NR2C2: variants seen among roughly 807,000 people sequenced by gnomAD.
The protein encoded by NR2C2 is Nuclear hormone receptor TR4.
In NR2C2, 6 loss-of-function variants were observed where a neutral mutation model predicts 62.9. That is an observed-to-expected ratio of 0.10 (90% CI 0.05 to 0.19). The LOEUF (loss-of-function observed/expected upper bound fraction) is 0.19. Ranked by LOEUF, NR2C2 falls within the 10% of genes least tolerant of loss-of-function variation. The pLI is 1.00. For missense variants in NR2C2, 479 were observed against 762.7 expected (o/e 0.63, Z 4.38); for synonymous variants, 272 against 273.8 (o/e 0.99, Z 0.07).
rs1323227532 is a variant in NR2C2 at position 15,023,115 on chromosome 3, C to T, written c.557-85C>T. ...CCTAGCACCAGAGTCATCCTCCCTG[C>T]AGTAATGGATTTGGGGTTTTCCCTT... is the stretch of plus-strand genomic sequence containing the variant. On this transcript the variant is annotated intron_variant, in intron 5 of 13. Coordinates refer to ENST00000425241, the MANE Select transcript of NR2C2 (RefSeq NM_001291694.2). The T allele has an allele frequency of 4.9e-6, 7 of 1,441,526 alleles. No individual in the cohort carries two copies. In the East Asian group the frequency reaches 1.4e-4, roughly 28 times the overall value. The allele number at this position is 1,441,526 out of a possible 1,614,324, so 89.3% of individuals were successfully genotyped here. A position where few individuals can be genotyped will look rare whatever the true frequency, so the allele number is the denominator to read the frequency against.
chr3:15,013,806 G>T lies in NR2C2; in HGVS notation c.273+17G>T, dbSNP rs2041423697. On this transcript the variant is annotated intron_variant, in intron 3 of 13. Coordinates refer to ENST00000425241, the MANE Select transcript of NR2C2 (RefSeq NM_001291694.2). ...AGGATCCAGGTAAGGCCTTTGGACA[G>T]GTATTTGTTTCAGCACTTCTGCTAT... The T allele has an allele frequency of 9.3e-6, 15 of 1,613,426 alleles. No homozygotes were observed. Among genetic ancestry groups the T allele is most frequent in the Non-Finnish European group, 1.3e-5 (15 of 1,179,366 alleles).
chr3:15,048,140 CTTTA>C lies in NR2C2; in HGVS notation c.*5134_*5137del, dbSNP rs1489853248. The C allele has an allele frequency of 6.6e-6, 1 of 152,632 alleles. No homozygotes were observed. The highest frequency in any genetic ancestry group is 1.5e-5 in the Non-Finnish European group (1 of 68,046). The allele number at this position is 152,632 out of a possible 1,614,324, so 9.5% of individuals were successfully genotyped here. A position where few individuals can be genotyped will look rare whatever the true frequency, so the allele number is the denominator to read the frequency against. On this transcript the variant is annotated 3_prime_UTR_variant, in exon 14 of 14. Coordinates refer to ENST00000425241, the MANE Select transcript of NR2C2 (RefSeq NM_001291694.2). ...AAGTTATCAAAATGTTTTAAAAACACTTTATGAGACCATAGTACTCAGTGCCTTT... is the reference window on the plus strand; with the variant it reads ...AAGTTATCAAAATGTTTTAAAAACACTGAGACCATAGTACTCAGTGCCTTT...
chr3:14,970,345 C>T (rs2040000739), intron 1 of NR2C2, among the ~76,000 whole-genome samples: 1 of 152,026 alleles, frequency 6.6e-6, no homozygotes, highest in Non-Finnish European at 1.5e-5. Context: ...ATAAAATTTA[C>T]CATTTTAACT....
intron 8 of NR2C2, among the ~76,000 whole-genome samples, chr3:15,029,990 A>G (rs1299353668): frequency 6.6e-6 from 1 of 152,190 alleles, no homozygotes; most frequent in Non-Finnish European, 1.5e-5. Context: ...TAGATAATAC[A>G]TAGCTCAGTG....
chr3:14,949,938 T>G (rs1027168035), intron 1 of NR2C2, among the ~76,000 whole-genome samples: 1 of 152,226 alleles, frequency 6.6e-6, no homozygotes, highest in East Asian at 1.9e-4. Context: ...TCCCCAACTT[T>G]TACTAGCAGT....
intron 1 of NR2C2, among the ~76,000 whole-genome samples, chr3:14,997,860 A>G (rs2040877158): frequency 6.6e-6 from 1 of 152,196 alleles, no homozygotes; most frequent in Non-Finnish European, 1.5e-5. Flanking sequence ...TACATTCACA[A>G]GAGTATGCAA....
At chr3:14,957,987 C>T (rs2039576293) in intron 1 of NR2C2, among the ~76,000 whole-genome samples, 1 of 152,180 alleles carries the variant, frequency 6.6e-6, no homozygotes, top group Admixed American at 6.5e-5. Context: ...GAGCTGTCCT[C>T]TCTGCTTAGA....
At chr3:15,038,915 C>G (rs1360874039) in intron 12 of NR2C2, 2 of 565,318 alleles carry the variant, frequency 3.5e-6, no homozygotes, top group Non-Finnish European at 6.3e-6. Flanking sequence ...CACTCAGGGT[C>G]CCCGACCCGC....
intron 1 of NR2C2, among the ~76,000 whole-genome samples, chr3:15,000,367 A>G (rs1360994002): frequency 1.3e-5 from 2 of 152,186 alleles, no homozygotes; most frequent in Non-Finnish European, 2.9e-5. Context: ...TAAAGGCTGA[A>G]TAGTATTCCA....
At chr3:14,963,660 T>C (rs1488084113) in intron 1 of NR2C2, among the ~76,000 whole-genome samples, 5 of 152,054 alleles carry the variant, frequency 3.3e-5, no homozygotes, top group East Asian at 1.9e-4. Context: ...TTAGTAGAGA[T>C]GGGGTTTCAC....
At chr3:14,990,044 A>C (rs2040625926) in intron 1 of NR2C2, among the ~76,000 whole-genome samples, 1 of 151,920 alleles carries the variant, frequency 6.6e-6, no homozygotes, top group Non-Finnish European at 1.5e-5. Flanking sequence ...TCAAGGCTGC[A>C]GTGAGCCATG....
intron 8 of NR2C2, 86 bp from the exon 9 acceptor site, chr3:15,030,189 G>A (rs1342643387): frequency 2.7e-6 from 3 of 1,118,682 alleles, no homozygotes; most frequent in Non-Finnish European, 3.9e-6. Context: ...TTTTCCCACT[G>A]TAGTTTTTCT....
chr3:15,009,592 A>G (rs1182171766), intron 2 of NR2C2, among the ~76,000 whole-genome samples: 2 of 152,214 alleles, frequency 1.3e-5, no homozygotes, highest in Admixed American at 1.3e-4. Context: ...AACAACACAT[A>G]TCTTCTTAAC....
intron 1 of NR2C2, among the ~76,000 whole-genome samples, chr3:14,968,749 T>G (rs372214060): frequency 7.1e-6 from 1 of 140,054 alleles, no homozygotes; most frequent in Admixed American, 7.1e-5. Context: ...TGTCCAACAA[T>G]GATAGACTGG....
chr3:15,024,084 G>A, intron 6 of NR2C2, 31 bp from the exon 7 acceptor site: 3 of 1,449,610 alleles, frequency 2.1e-6, no homozygotes, highest in Non-Finnish European at 2.9e-6. Flanking sequence ...AATGTTGGAA[G>A]CTACTCTGAG....
chr3:15,028,667 G>A lies in NR2C2; in HGVS notation c.880G>A (p.Gly294Ser), dbSNP rs539096447. ...CAACCTAAGTGAATCTTTGAACAAC[G>A]GTGACACTTCAGAAATCCAGCCAGA... ...LANLSESLNN[G>S]DTSEIQPEDQ... The change falls in exon 8 of 14, where the codon GGT becomes AGT. Residue 294 changes from glycine (G) to serine (S), a missense_variant. Transcript: ENST00000425241. 6.2e-7 allele frequency: 1 copy of A among 1,614,114 alleles called. No individual in the cohort carries two copies. The highest frequency in any genetic ancestry group is 1.1e-5 in the South Asian group (1 of 91,080).
intron 2 of NR2C2, among the ~76,000 whole-genome samples, chr3:15,010,775 C>G (rs1229995746): frequency 6.6e-6 from 1 of 152,040 alleles, no homozygotes; most frequent in Non-Finnish European, 1.5e-5. Context: ...GAGCTGCTGT[C>G]CTTGTCTGGA....
intron 1 of NR2C2, among the ~76,000 whole-genome samples, chr3:14,976,158 G>A (rs1409800859): frequency 6.6e-6 from 1 of 152,112 alleles, no homozygotes; most frequent in Non-Finnish European, 1.5e-5. Context: ...TATCCAGTGT[G>A]TCAGTGTGTA....
Position 14,995,551 on chromosome 3 carries a change from A to C in NR2C2, c.-39-8325A>C, listed in dbSNP as rs575510768. 1.6e-3 allele frequency among the ~76,000 whole-genome samples: 241 copies of C among 152,214 alleles called. 1 individual carries two copies. Among genetic ancestry groups the C allele is most frequent in the African/African-American group, 5.0e-3 (208 of 41,526 alleles). On this transcript the variant is annotated intron_variant, in intron 1 of 13. Transcript: ENST00000425241. ...TGCCAAATAATATGCCATTGTATGGATATACCACATTTTATCTATTCATCA... is the reference window on the plus strand; with the variant it reads ...TGCCAAATAATATGCCATTGTATGGCTATACCACATTTTATCTATTCATCA...
Sources: allele counts gnomAD v4.1 joint callset (sites outside exome capture counted in the v4.1 genomes callset), GRCh38; gene constraint gnomAD v4.1.1; transcripts MANE v1.5; gene names NCBI Gene and HGNC (gene_info 2026-07-23, HGNC 2026-07-21).